The following NOP9 variants were observed in gnomAD, a reference collection of about 807,000 sequenced individuals.
NOP9 encodes the protein NOP9 nucleolar protein.
Under a neutral mutation model 63.0 loss-of-function variants are expected in NOP9, and 50 were observed. That is an observed-to-expected ratio of 0.79 (90% CI 0.63 to 1.00). The LOEUF (loss-of-function observed/expected upper bound fraction) is 1.00, where lower values mean the gene tolerates loss of function less well. Ranked by LOEUF, NOP9 falls within the 50% of genes least tolerant of loss-of-function variation. NOP9 has a pLI of 0.00. For synonymous variants in NOP9, 343 were observed against 332.8 expected, an observed-to-expected ratio of 1.03 and a Z score of -0.33; for missense variants, 758 against 803.0, an observed-to-expected ratio of 0.94 and a Z score of 0.68.
chr14:24,298,366 T>G (rs566654128), upstream of NOP9, among the ~76,000 whole-genome samples: 4 of 152,348 alleles, frequency 2.6e-5, no homozygotes, highest in East Asian at 5.8e-4. Flanking sequence ...ACTGAATCTT[T>G]GAAGAGCAGA....
chr14:24,292,635 T>A, the NOP9 span: 1 of 1,614,236 alleles, frequency 6.2e-7, no homozygotes, highest in Non-Finnish European at 8.5e-7. Context: ...TCAGCTCCTA[T>A]GCCACTGGGT....
In NOP9 at chr14:24,300,430, G is replaced by A; in HGVS notation, c.270G>A (p.Met90Ile). The A allele has an allele frequency of 6.2e-7, 1 of 1,613,368 alleles. No individual in the cohort carries two copies. Among genetic ancestry groups the A allele is most frequent in the Non-Finnish European group, 8.5e-7 (1 of 1,179,668 alleles). ...CAGATCTGATGGTGCACAATATAAT[G>A]AAGGAAGTAGAGACTCAGGCCCTAG... ...EERDLMVHNIMKEVETQALAL... is the reference protein window; with the variant it reads ...EERDLMVHNIIKEVETQALAL... Residue 90 changes from methionine (M) to isoleucine (I), a missense_variant, in exon 2 of 10, where the codon ATG (methionine) becomes ATA (isoleucine). Physicochemically the swap from Met to Ile is conservative, Grantham distance 10. Coordinates refer to ENST00000267425, the MANE Select transcript of NOP9 (RefSeq NM_174913.3).
rs1264113640 is a variant in NOP9, at chr14:24,306,107, C to T, written c.*1012C>T. The T allele has an allele frequency of 1.2e-6, 2 of 1,613,914 alleles. No homozygotes were observed. Among genetic ancestry groups the T allele is most frequent in the Admixed American group, 1.7e-5 (1 of 60,008 alleles). On this transcript the variant is annotated 3_prime_UTR_variant, in exon 10 of 10. Transcript: ENST00000267425. ...ATGTCCTTGCTGTGCTTGGGCCTCT[C>T]CCGTCCCAGGCCATATGACAGCACT...
upstream of NOP9, among the ~76,000 whole-genome samples, chr14:24,295,042 T>C (rs1280782505): frequency 6.6e-6 from 1 of 152,234 alleles, no homozygotes; most frequent in Non-Finnish European, 1.5e-5. Flanking sequence ...TTTCTTTTTT[T>C]CTATTTTTCC....
chr14:24,286,331 C>G, the NOP9 span, among the ~76,000 whole-genome samples: 1 of 152,216 alleles, frequency 6.6e-6, no homozygotes, highest in Non-Finnish European at 1.5e-5. Flanking sequence ...GCATCACATC[C>G]CAGGGATACT....
the NOP9 span, among the ~76,000 whole-genome samples, chr14:24,290,412 G>A: frequency 6.6e-6 from 1 of 152,344 alleles, no homozygotes; most frequent in East Asian, 1.9e-4. Context: ...TAGCTGTGGA[G>A]CGACTCTGCT....
chr14:24,291,273 A>C, the NOP9 span: 1 of 1,582,142 alleles, frequency 6.3e-7, no homozygotes, highest in Non-Finnish European at 8.7e-7. Flanking sequence ...GCAGAGTGAC[A>C]AGGTTTGGGC....
intron 3 of NOP9, 87 bp downstream of exon 3, chr14:24,301,809 C>G (rs2041382182): frequency 6.6e-7 from 1 of 1,518,530 alleles, no homozygotes; most frequent in Non-Finnish European, 9.1e-7. Context: ...TCAGGTTATT[C>G]CTCTTCTTTT....
At chr14:24,297,680 T>A (rs898581803), upstream of NOP9, among the ~76,000 whole-genome samples, 1 of 152,144 alleles carries the variant, frequency 6.6e-6, no homozygotes, top group Non-Finnish European at 1.5e-5. Flanking sequence ...AGTTCTCTAT[T>A]AGGGTCTTCC....
At chr14:24,299,206 A>G (rs115780613), upstream of NOP9, 266 of 1,374,660 alleles carry the variant, frequency 1.9e-4, 1 homozygote, top group African/African-American at 3.5e-3. Context: ...GGGGTAGGGG[A>G]GAACCTCACT....
At chr14:24,275,294 A>G in the NOP9 span, among the ~76,000 whole-genome samples, 5 of 152,200 alleles carry the variant, frequency 3.3e-5, no homozygotes, top group African/African-American at 1.2e-4. Flanking sequence ...TTGAGTATCA[A>G]CAGAGCCCCA....
At chr14:24,301,832 G>T in intron 3 of NOP9, 110 bp downstream of exon 3, 1 of 1,476,698 alleles carries the variant, frequency 6.8e-7, no homozygotes, top group South Asian at 1.1e-5. Context: ...AACCTGGTCT[G>T]GTTTGACGTT....
At position 24,307,140 on chromosome 14, in the gene NOP9, T is replaced by A; in HGVS notation, c.*2045T>A. ...TTTCCATACTAGCTTCTGAATTCTGTCCCTCGAACTCTCCCTATCTCCTGC... is the reference window on the plus strand; with the variant it reads ...TTTCCATACTAGCTTCTGAATTCTGACCCTCGAACTCTCCCTATCTCCTGC... On this transcript the variant is annotated 3_prime_UTR_variant, in exon 10 of 10. Transcript: ENST00000267425. The A allele has an allele frequency of 2.4e-6, 1 of 414,092 alleles. No homozygotes were observed. The highest frequency in any genetic ancestry group is 4.3e-6 in the Non-Finnish European group (1 of 231,992). 25.7% of individuals were successfully genotyped at this position (414,092 alleles called of 1,614,324 possible).
chr14:24,288,443 G>C, the NOP9 span, among the ~76,000 whole-genome samples: 1 of 151,854 alleles, frequency 6.6e-6, no homozygotes. Flanking sequence ...TCTGCCTTCC[G>C]GGTTCAAGCG....
At position 24,306,043 on chromosome 14, in the gene NOP9, C is replaced by G. The variant is rs146036691; in HGVS notation, c.*948C>G. ...GACATTCAGGCTGCCAAAGAGGTCTCGAGGGTTTTGCTTGTACACGTCAAA... is the reference window on the plus strand; with the variant it reads ...GACATTCAGGCTGCCAAAGAGGTCTGGAGGGTTTTGCTTGTACACGTCAAA... On this transcript the variant is annotated 3_prime_UTR_variant, in exon 10 of 10. Coordinates refer to ENST00000267425, the MANE Select transcript of NOP9 (RefSeq NM_174913.3). The G allele has an allele frequency of 1.9e-6, 3 of 1,614,146 alleles. 1 individual carries two copies. In the South Asian group the frequency reaches 3.3e-5, roughly 18 times the overall value.
Position 24,306,436 on chromosome 14 carries a change from G to A in NOP9, c.*1341G>A. On this transcript the variant is annotated 3_prime_UTR_variant, in exon 10 of 10. Coordinates refer to ENST00000267425, the MANE Select transcript of NOP9 (RefSeq NM_174913.3). ...ATCAGGCACGTGTCATCCTCCAGCA[G>A]CTGGAAGAAGTCCTCACTGTCCACT... is the stretch of plus-strand genomic sequence containing the variant. 6.2e-7 allele frequency: 1 copy of A among 1,614,224 alleles called. No homozygotes were observed.
chr14:24,291,535 C>T, the NOP9 span: 2 of 1,613,924 alleles, frequency 1.2e-6, no homozygotes, highest in South Asian at 1.1e-5. Flanking sequence ...TTTCTTATTA[C>T]CAGCTGCCCC....
chr14:24,302,112 G>T lies in NOP9; in HGVS notation c.950+6G>T. 1 of 1,612,310 alleles carries T rather than the reference G, an allele frequency of 6.2e-7. No homozygotes were observed. The highest frequency in any genetic ancestry group is 1.7e-5 in the Admixed American group (1 of 59,926). ...GGTTCCTCAGTAGATGGCAGGTATG[G>T]TCAGGGCCTCAGGATCGACCCAAGT... On this transcript the variant is annotated splice_donor_region_variant and intron_variant, in intron 4 of 9. Coordinates refer to ENST00000267425, the MANE Select transcript of NOP9 (RefSeq NM_174913.3).
At chr14:24,292,619 A>C in the NOP9 span, 1 of 1,613,924 alleles carries the variant, frequency 6.2e-7, no homozygotes. Flanking sequence ...ACTGTCTTTT[A>C]CCTCCTCAGC....
Sources: allele counts gnomAD v4.1 joint callset (sites outside exome capture counted in the v4.1 genomes callset), GRCh38; gene constraint gnomAD v4.1.1; transcripts MANE v1.5; gene names NCBI Gene and HGNC (gene_info 2026-07-23, HGNC 2026-07-21).